Variants in AHR observed in about 807,000 individuals in gnomAD.
AHR encodes aryl hydrocarbon receptor.
In AHR, 40 loss-of-function variants were observed where a neutral mutation model predicts 86.8. The observed-to-expected ratio is 0.46, with a 90% CI of 0.36 to 0.60. AHR has a LOEUF of 0.60. Among genes scored for constraint, AHR ranks in the 20% least tolerant of loss-of-function variants. The pLI is 0.00. For synonymous variants in AHR, 398 were observed against 354.9 expected (o/e 1.12, Z -1.37); for missense variants, 1,001 against 1,011.6 (o/e 0.99, Z 0.14).
At position 17,299,145 on chromosome 7, in the gene AHR, G is replaced by A; in HGVS notation, c.-120G>A. 1 of 1,105,676 alleles carries A rather than the reference G, an allele frequency of 9.0e-7. No individual in the cohort carries two copies. The highest frequency in any genetic ancestry group is 1.7e-5 in the South Asian group (1 of 59,716). 68.5% of individuals were successfully genotyped at this position (1,105,676 alleles called of 1,614,324 possible). A position where few individuals can be genotyped will look rare whatever the true frequency, so the allele number is the denominator to read the frequency against. Reference sequence around the variant, plus strand: ...GCCACTGTCCCGAGAGGACGCAGGTGGAGCGGGCGCGGCTTCGCGGAACCC... The same window carrying A: ...GCCACTGTCCCGAGAGGACGCAGGTAGAGCGGGCGCGGCTTCGCGGAACCC... On this transcript the variant is annotated 5_prime_UTR_variant, in exon 1 of 11. Coordinates refer to ENST00000242057, the MANE Select transcript of AHR (RefSeq NM_001621.5).
chr7:17,299,514 A>T (rs1018488797), intron 1 of AHR, among the ~76,000 whole-genome samples, 185 bp downstream of exon 1: 1 of 152,220 alleles, frequency 6.6e-6, no homozygotes, highest in African/African-American at 2.4e-5. Flanking sequence ...CCCGTTTTCA[A>T]TGATTGCATT....
In AHR at chr7:17,339,704, CA is replaced by C; in HGVS notation, c.1883del (p.Lys628SerfsTer3). The C allele has an allele frequency of 6.2e-7, 1 of 1,614,036 alleles. No individual in the cohort carries two copies. The highest frequency in any genetic ancestry group is 1.1e-5 in the South Asian group (1 of 91,056). On this transcript the variant is annotated frameshift_variant, in exon 10 of 11. Transcript: ENST00000242057. ...TCTAGAACAGCAACAGCAACATCAC[CA>C]AAAGCAAGTAGTAGTGGAGCCACAG... ...LHLEQQQQHHQKQVVVEPQQQ... is the reference protein window; with the variant it reads ...LHLEQQQQHHXKQVVVEPQQQ...
chr7:17,318,036 A>G (rs936053119), intron 2 of AHR, among the ~76,000 whole-genome samples: 1 of 151,896 alleles, frequency 6.6e-6, no homozygotes, highest in Non-Finnish European at 1.5e-5. Context: ...CAAACTTTTA[A>G]GGACTACCCT....
intron 1 of AHR, among the ~76,000 whole-genome samples, chr7:17,306,833 G>GTCACTGCC (rs1444168050): frequency 6.6e-6 from 1 of 152,092 alleles, no homozygotes; most frequent in African/African-American, 2.4e-5. Context: ...TAACCTCACT[G>GTCACTGCC]TCACTGCCTT....
Position 17,322,548 on chromosome 7 carries a change from T to C in AHR, c.301T>C (p.Cys101Arg), listed in dbSNP as rs752852966. 1 of 1,613,110 alleles carries C rather than the reference T, an allele frequency of 6.2e-7. No individual in the cohort carries two copies. The highest frequency in any genetic ancestry group is 8.5e-7 in the Non-Finnish European group (1 of 1,179,340). Residue 101 changes from cysteine to arginine, a missense_variant, in exon 3 of 11, where the codon TGT becomes CGT. Coordinates refer to ENST00000242057, the MANE Select transcript of AHR (RefSeq NM_001621.5). ...TGAAAGAAACGGAGGCCAGGATAAC[T>C]GTAGAGCAGCAAATTTCAGAGAAGG... is the stretch of plus-strand genomic sequence containing the variant. ...PTERNGGQDN[C>R]RAANFREGLN...
chr7:17,322,689 T>G (rs1782187152), intron 3 of AHR, 82 bp downstream of exon 3: 1 of 939,446 alleles, frequency 1.1e-6, no homozygotes, highest in Non-Finnish European at 1.6e-6. Flanking sequence ...AGTAATTCCC[T>G]GTTTACTTAG....
intron 2 of AHR, among the ~76,000 whole-genome samples, chr7:17,319,961 TAAACACAAGAGCAACAGAA>T (rs943619254): frequency 5.3e-5 from 8 of 152,072 alleles, no homozygotes; most frequent in African/African-American, 1.9e-4. Flanking sequence ...TGATTAACCT[TAAACACAAGAGCAACAGAA>T]ATATTTGCAT....
chr7:17,332,045 CAAT>C (rs1008805075), intron 6 of AHR, among the ~76,000 whole-genome samples: 4 of 151,798 alleles, frequency 2.6e-5, no homozygotes, highest in Non-Finnish European at 4.4e-5. Context: ...ATGCTTTGGT[CAAT>C]AACAGACCAT....
chr7:17,300,178 A>G lies in AHR; in HGVS notation c.65+849A>G, dbSNP rs1781940604. Among the ~76,000 whole-genome samples the G allele has an allele frequency of 2.6e-5, 4 of 152,158 alleles. No individual in the cohort carries two copies. In the South Asian group the frequency reaches 8.3e-4, roughly 31 times the overall value. On this transcript the variant is annotated intron_variant, in intron 1 of 10. Transcript: ENST00000242057. Reference sequence around the variant, plus strand: ...GTCGTTGTCGGTTGATTTTGGTGGAATATTTGTGTGAGATGGCCAATTTTT... The same window carrying G: ...GTCGTTGTCGGTTGATTTTGGTGGAGTATTTGTGTGAGATGGCCAATTTTT...
chr7:17,321,566 G>A (rs1428159222), intron 2 of AHR, among the ~76,000 whole-genome samples: 1 of 142,292 alleles, frequency 7.0e-6, no homozygotes, highest in African/African-American at 2.6e-5. Flanking sequence ...CTTCCTCCCA[G>A]ACTATAAATA....
chr7:17,303,946 G>A (rs926254710), intron 1 of AHR, among the ~76,000 whole-genome samples: 7 of 152,068 alleles, frequency 4.6e-5, no homozygotes, highest in African/African-American at 1.4e-4. Flanking sequence ...GCAAAAGTGT[G>A]GTTGGTAATT....
intron 3 of AHR, 34 bp from the exon 4 acceptor site, chr7:17,327,725 A>G (rs754513042): frequency 5.7e-6 from 7 of 1,217,522 alleles, no homozygotes; most frequent in South Asian, 4.0e-5. Context: ...ATATTAAGTC[A>G]TATTACTAAT....
chr7:17,300,718 A>G (rs373674408), intron 1 of AHR, among the ~76,000 whole-genome samples: 1 of 152,138 alleles, frequency 6.6e-6, no homozygotes, highest in Non-Finnish European at 1.5e-5. Flanking sequence ...ATATTAAAGT[A>G]TGTTTGTCTT....
intron 2 of AHR, among the ~76,000 whole-genome samples, chr7:17,310,617 C>T (rs945099025): frequency 6.6e-6 from 1 of 151,722 alleles, no homozygotes; most frequent in African/African-American, 2.4e-5. Flanking sequence ...TCACTGCAAC[C>T]TCTGACTCCC....
intron 2 of AHR, among the ~76,000 whole-genome samples, chr7:17,315,685 G>A (rs888221581): frequency 1.1e-4 from 17 of 151,862 alleles, no homozygotes; most frequent in African/African-American, 4.1e-4. Context: ...GATATTTCGT[G>A]AGGGTTTGTG....
rs1315942786 is a variant in AHR, at chr7:17,339,901, T to C, written c.2076T>C (p.Asp692=). 1 of 1,614,106 alleles carries C rather than the reference T, an allele frequency of 6.2e-7. No homozygotes were observed. Among genetic ancestry groups the C allele is most frequent in the African/African-American group, 1.3e-5 (1 of 74,942 alleles). Residue 692 remains aspartate (D), a synonymous_variant, in exon 10 of 11, where the codon GAT becomes GAC. Transcript: ENST00000242057. ...AGTTCCCCTACAAATCTGAAATGGA[T>C]TCTATGCCTTATACACAGAACTTTA... The part of the protein sequence containing the change: ...SQEFPYKSEM[D]SMPYTQNFIS...
intron 2 of AHR, among the ~76,000 whole-genome samples, chr7:17,311,562 C>T (rs765844313): frequency 1.1e-4 from 16 of 152,244 alleles, no homozygotes; most frequent in South Asian, 1.0e-3. Context: ...CTTGCTCTCC[C>T]GTCTTTCTTT....
At chr7:17,310,157 C>A in intron 2 of AHR, 34 bp downstream of exon 2, 5 of 1,559,770 alleles carry the variant, frequency 3.2e-6, no homozygotes, top group Non-Finnish European at 4.4e-6. Context: ...TCTACAATAA[C>A]GTATAAAAAA....
chr7:17,326,882 T>C (rs1265651195), intron 3 of AHR, among the ~76,000 whole-genome samples: 2 of 152,018 alleles, frequency 1.3e-5, no homozygotes, highest in Non-Finnish European at 1.5e-5. Context: ...AAGTACCAAA[T>C]TGAACTCAAG....
Sources: allele counts gnomAD v4.1 joint callset (sites outside exome capture counted in the v4.1 genomes callset), GRCh38; gene constraint gnomAD v4.1.1; transcripts MANE v1.5; gene names NCBI Gene and HGNC (gene_info 2026-07-23, HGNC 2026-07-21).